The following SMIM5 variants were observed in gnomAD, a reference collection of about 807,000 sequenced individuals.
SMIM5 encodes the protein chromosome 17 open reading frame 109.
Under a neutral mutation model 4.0 loss-of-function variants are expected in SMIM5, and 4 were observed. The ratio of observed to expected loss-of-function variants is 1.01; its 90% CI spans 0.50 to 2.30. The LOEUF (loss-of-function observed/expected upper bound fraction) is 2.30. SMIM5 is among the 30% of genes most tolerant of loss of function. SMIM5 has a pLI of 0.02. For missense variants in SMIM5, 107 were observed against 99.2 expected, an observed-to-expected ratio of 1.08 and a Z score of -0.34; for synonymous variants, 46 against 43.6, an observed-to-expected ratio of 1.05 and a Z score of -0.22.
Position 75,641,002 on chromosome 17 carries a change from CT to C in SMIM5, c.*106del. ...CCTTACCCCTCAAGACCAGGCTCCC[CT>C]GGCCCCAGCTCTGGCCCAGCCCAGG... is the stretch of plus-strand genomic sequence containing the variant. On this transcript the variant is annotated 3_prime_UTR_variant, in exon 3 of 3. Coordinates refer to ENST00000375215, the MANE Select transcript of SMIM5 (RefSeq NM_001162995.3). 1 of 1,482,564 alleles carries C rather than the reference CT, an allele frequency of 6.7e-7. No homozygotes were observed. The highest frequency in any genetic ancestry group is 1.7e-4 in the Middle Eastern group (1 of 5,762). 91.8% of individuals were successfully genotyped at this position (1,482,564 alleles called of 1,614,324 possible). A position where few individuals can be genotyped will look rare whatever the true frequency, so the allele number is the denominator to read the frequency against.
At position 75,636,274 on chromosome 17, in the gene SMIM5, C is replaced by T. The variant is rs1219661442; in HGVS notation, c.-37+2072C>T. Among the ~76,000 whole-genome samples, 1 of 152,058 alleles carries T rather than the reference C, an allele frequency of 6.6e-6. No homozygotes were observed. The highest frequency in any genetic ancestry group is 1.5e-5 in the Non-Finnish European group (1 of 67,994). ...GAGGGACTCTGGTTGCCCTGGTTCG[C>T]AGGTGGGCACTACCAAGCGTGGGGT... is the stretch of plus-strand genomic sequence containing the variant. On this transcript the variant is annotated intron_variant, in intron 1 of 2. Coordinates refer to ENST00000375215, the MANE Select transcript of SMIM5 (RefSeq NM_001162995.3). The surrounding 1 kb of genome is among the most constrained non-coding windows in gnomAD (Gnocchi z 5.4).
chr17:75,636,150 T>C lies in SMIM5; in HGVS notation c.-37+1948T>C, dbSNP rs1305459526. 3.3e-5 allele frequency among the ~76,000 whole-genome samples: 5 copies of C among 152,088 alleles called. No homozygotes were observed. The highest frequency in any genetic ancestry group is 6.5e-5 in the Admixed American group (1 of 15,272). On this transcript the variant is annotated intron_variant, in intron 1 of 2. Transcript: ENST00000375215. The surrounding 1 kb of genome is among the most constrained non-coding windows in gnomAD (Gnocchi z 5.4). ...GTGGCAGCTGGGCTACACTCCCTCT[T>C]AAGGCCAGAGGGAGCCACCACTTGC...
At chr17:75,637,185 C>T (rs2059340046) in intron 1 of SMIM5, 1 of 152,276 alleles carries the variant, frequency 6.6e-6, no homozygotes. Flanking sequence ...CCAGGTCTCT[C>T]GCTCACAAGG....
chr17:75,634,261 G>T, intron 1 of SMIM5, 59 bp downstream of exon 1: 1 of 985,320 alleles, frequency 1.0e-6, no homozygotes, highest in Non-Finnish European at 1.2e-6. Context: ...AGGGTCCCCT[G>T]CCCCCAGGGT....
rs186979543 is a variant in SMIM5 at position 75,638,907 on chromosome 17, C to T, written c.-36-1259C>T. On this transcript the variant is annotated intron_variant, in intron 1 of 2. Coordinates refer to ENST00000375215, the MANE Select transcript of SMIM5 (RefSeq NM_001162995.3). ...CTGCCATCTTGCTCCTGAAGGGCTA[C>T]GAGGCAGAAGAGGGGGCAAGGTCTA... The T allele has an allele frequency of 8.8e-4, 134 of 152,394 alleles. 1 individual carries two copies. In the South Asian group the frequency reaches 0.017, roughly 20 times the overall value. The allele number at this position is 152,394 out of a possible 1,614,324, so 9.4% of individuals were successfully genotyped here.
chr17:75,641,190 A>G lies in SMIM5; in HGVS notation c.*293A>G. On this transcript the variant is annotated 3_prime_UTR_variant, in exon 3 of 3. Coordinates refer to ENST00000375215, the MANE Select transcript of SMIM5 (RefSeq NM_001162995.3). ...GCCTACCTGCACTTTTTAACAAAACAAGGAAGTAGGGGTCCCCATACCTTG... is the reference window on the plus strand; with the variant it reads ...GCCTACCTGCACTTTTTAACAAAACGAGGAAGTAGGGGTCCCCATACCTTG... 1 of 366,918 alleles carries G rather than the reference A, an allele frequency of 2.7e-6. No individual in the cohort carries two copies. Among genetic ancestry groups the G allele is most frequent in the East Asian group, 4.9e-5 (1 of 20,332 alleles). 22.7% of individuals were successfully genotyped at this position (366,918 alleles called of 1,614,324 possible). A position where few individuals can be genotyped will look rare whatever the true frequency, so the allele number is the denominator to read the frequency against.
Position 75,641,000 on chromosome 17 carries a change from C to T in SMIM5, c.*103C>T. On this transcript the variant is annotated 3_prime_UTR_variant, in exon 3 of 3. Transcript: ENST00000375215. This position sits in a 1 kb window ranked among gnomAD's most constrained non-coding sequence, Gnocchi z 4.6. ...GCCCTTACCCCTCAAGACCAGGCTC[C>T]CCTGGCCCCAGCTCTGGCCCAGCCC... The T allele has an allele frequency of 1.3e-6, 2 of 1,486,184 alleles. No homozygotes were observed. Among genetic ancestry groups the T allele is most frequent in the Non-Finnish European group, 1.8e-6 (2 of 1,114,568 alleles). The allele number at this position is 1,486,184 out of a possible 1,614,324, so 92.1% of individuals were successfully genotyped here.
In SMIM5 at chr17:75,639,142, G is replaced by A. The variant is rs912984020; in HGVS notation, c.-36-1024G>A. On this transcript the variant is annotated intron_variant, in intron 1 of 2. Transcript: ENST00000375215. ...TCTAAACCAGCTCTGCCAAGGCAGC[G>A]GCACCGGGAGTGACTGGCCTCACTG... 6 of 152,330 alleles carry A rather than the reference G, an allele frequency of 3.9e-5. No individual in the cohort carries two copies. The East Asian group carries it at 9.6e-4, about 24-fold the overall frequency. The allele number at this position is 152,330 out of a possible 1,614,324, so 9.4% of individuals were successfully genotyped here.
rs761781251 is a variant in SMIM5, at chr17:75,636,078, G to A, written c.-37+1876G>A. ...CTGCAGCCAGGGCACACCCTCTGAA[G>A]GCTCCAAGCAGGGCTGGCTGGGCAG... is the stretch of plus-strand genomic sequence containing the variant. On this transcript the variant is annotated intron_variant, in intron 1 of 2. Coordinates refer to ENST00000375215, the MANE Select transcript of SMIM5 (RefSeq NM_001162995.3). The surrounding 1 kb of genome is among the most constrained non-coding windows in gnomAD (Gnocchi z 5.4). 6.6e-6 allele frequency among the ~76,000 whole-genome samples: 1 copy of A among 152,222 alleles called. No homozygotes were observed. The highest frequency in any genetic ancestry group is 1.5e-5 in the Non-Finnish European group (1 of 68,038).
At position 75,640,705 on chromosome 17, in the gene SMIM5, T is replaced by C; in HGVS notation, c.128-86T>C. 1.3e-6 allele frequency: 2 copies of C among 1,509,252 alleles called. No homozygotes were observed. The highest frequency in any genetic ancestry group is 2.5e-5 in the East Asian group (1 of 40,250). 93.5% of individuals were successfully genotyped at this position (1,509,252 alleles called of 1,614,324 possible). Reference sequence around the variant, plus strand: ...CACCAAACCTGTGGGGGAAAGACCCTGGCAGGCAGTGGGTTTCTCTGGGAG... The same window carrying C: ...CACCAAACCTGTGGGGGAAAGACCCCGGCAGGCAGTGGGTTTCTCTGGGAG... On this transcript the variant is annotated intron_variant, in intron 2 of 2. Transcript: ENST00000375215. The surrounding 1 kb of genome is among the most constrained non-coding windows in gnomAD (Gnocchi z 4.6).
rs868848156 is a variant in SMIM5 at position 75,633,555 on chromosome 17, C to G, written c.-684C>G. The G allele has an allele frequency of 1.6e-6, 2 of 1,279,008 alleles. No homozygotes were observed. Among genetic ancestry groups the G allele is most frequent in the African/African-American group, 3.0e-5 (2 of 65,632 alleles). 79.2% of individuals were successfully genotyped at this position (1,279,008 alleles called of 1,614,324 possible). A position where few individuals can be genotyped will look rare whatever the true frequency, so the allele number is the denominator to read the frequency against. ...CCCCAAGACGCCTTCAGATGCTGAGCGGCACAAGGGCCTCCCCAGGGACTG... is the reference window on the plus strand; with the variant it reads ...CCCCAAGACGCCTTCAGATGCTGAGGGGCACAAGGGCCTCCCCAGGGACTG... On this transcript the variant is annotated 5_prime_UTR_variant, in exon 1 of 3. Transcript: ENST00000375215.
At chr17:75,637,773 C>T (rs1488927486) in intron 1 of SMIM5, 1 of 152,332 alleles carries the variant, frequency 6.6e-6, no homozygotes, top group African/African-American at 2.4e-5. Context: ...GGCCCTGGCT[C>T]CTGTACTGAG....
rs765425275 is a variant in SMIM5, at chr17:75,636,325, G to A, written c.-37+2123G>A. On this transcript the variant is annotated intron_variant, in intron 1 of 2. Coordinates refer to ENST00000375215, the MANE Select transcript of SMIM5 (RefSeq NM_001162995.3). This position sits in a 1 kb window ranked among gnomAD's most constrained non-coding sequence, Gnocchi z 5.4. ...TGGGAGGGACTGGTTGCCCTGGTTC[G>A]CAGGTGGGAAGTGTGGTTTTGGAAG... Among the ~76,000 whole-genome samples the A allele has an allele frequency of 1.1e-4, 16 of 152,284 alleles. No individual in the cohort carries two copies. The highest frequency in any genetic ancestry group is 6.8e-3 in the Middle Eastern group (2 of 294).
In SMIM5 at chr17:75,640,418, CG is replaced by C; in HGVS notation, c.127+93del. 6.9e-7 allele frequency: 1 copy of C among 1,443,424 alleles called. No homozygotes were observed. The highest frequency in any genetic ancestry group is 9.1e-7 in the Non-Finnish European group (1 of 1,093,394). The allele number at this position is 1,443,424 out of a possible 1,614,324, so 89.4% of individuals were successfully genotyped here. A position where few individuals can be genotyped will look rare whatever the true frequency, so the allele number is the denominator to read the frequency against. On this transcript the variant is annotated intron_variant, in intron 2 of 2. Coordinates refer to ENST00000375215, the MANE Select transcript of SMIM5 (RefSeq NM_001162995.3). This position sits in a 1 kb window ranked among gnomAD's most constrained non-coding sequence, Gnocchi z 4.6. ...CCAGCCAGAGGGCTGGCAGAGGTGG[CG>C]GGTGTCTGCCGGATCAAGGAGGAAA...
Position 75,633,496 on chromosome 17 carries a change from G to A in SMIM5, c.-743G>A. On this transcript the variant is annotated 5_prime_UTR_variant, in exon 1 of 3. Coordinates refer to ENST00000375215, the MANE Select transcript of SMIM5 (RefSeq NM_001162995.3). The stretch of plus-strand genomic sequence containing the variant: ...ATGAGGCGCCTTGCCGGGCGCGCAG[G>A]CCACTCCCAGGTCACTCAGGATTCC... 5 of 1,288,980 alleles carry A rather than the reference G, an allele frequency of 3.9e-6. No individual in the cohort carries two copies. Among genetic ancestry groups the A allele is most frequent in the South Asian group, 2.5e-5 (2 of 81,008 alleles). The allele number at this position is 1,288,980 out of a possible 1,614,324, so 79.8% of individuals were successfully genotyped here.
rs2059427648 is a variant in SMIM5, at chr17:75,641,056, A to G, written c.*159A>G. The G allele has an allele frequency of 7.6e-7, 1 of 1,318,262 alleles. No homozygotes were observed. 81.7% of individuals were successfully genotyped at this position (1,318,262 alleles called of 1,614,324 possible). A position where few individuals can be genotyped will look rare whatever the true frequency, so the allele number is the denominator to read the frequency against. ...CCTGGACACTGACAACTTGAGCCCTACCAAGGAAACAAGGGCTGGTATAGG... is the reference window on the plus strand; with the variant it reads ...CCTGGACACTGACAACTTGAGCCCTGCCAAGGAAACAAGGGCTGGTATAGG... On this transcript the variant is annotated 3_prime_UTR_variant, in exon 3 of 3. Transcript: ENST00000375215.
In SMIM5 at chr17:75,633,617, A is replaced by G; in HGVS notation, c.-622A>G. On this transcript the variant is annotated 5_prime_UTR_variant, in exon 1 of 3. Coordinates refer to ENST00000375215, the MANE Select transcript of SMIM5 (RefSeq NM_001162995.3). ...TCCTGCTCAGCTTGAGAGGGCCACC[A>G]GCTCCCCACTGTTTACTGTTGTTCC... 8.3e-7 allele frequency: 1 copy of G among 1,206,072 alleles called. No individual in the cohort carries two copies. Among genetic ancestry groups the G allele is most frequent in the Non-Finnish European group, 1.1e-6 (1 of 946,896 alleles). The allele number at this position is 1,206,072 out of a possible 1,614,324, so 74.7% of individuals were successfully genotyped here.
Position 75,640,834 on chromosome 17 carries a change from C to T in SMIM5, c.171C>T (p.Cys57=), listed in dbSNP as rs1309713318. ...LLLLIACSCC[C]THCCCPERRG... ...TGCTGATAGCCTGCAGCTGCTGCTGCACTCACTGCTGCTGCCCTGAGCGGA... is the reference window on the plus strand; with the variant it reads ...TGCTGATAGCCTGCAGCTGCTGCTGTACTCACTGCTGCTGCCCTGAGCGGA... The change falls in exon 3 of 3, where the codon TGC becomes TGT. Residue 57 remains cysteine, a synonymous_variant. Coordinates refer to ENST00000375215, the MANE Select transcript of SMIM5 (RefSeq NM_001162995.3). The surrounding 1 kb of genome is among the most constrained non-coding windows in gnomAD (Gnocchi z 4.6). The T allele has an allele frequency of 3.2e-6, 5 of 1,549,906 alleles. No individual in the cohort carries two copies. The highest frequency in any genetic ancestry group is 3.9e-5 in the Admixed American group (2 of 51,006).
intron 1 of SMIM5, among the ~76,000 whole-genome samples, chr17:75,635,633 G>A (rs567497452): frequency 7.9e-5 from 12 of 152,302 alleles, no homozygotes; most frequent in African/African-American, 1.7e-4. Flanking sequence ...CATCCCCCCC[G>A]GCTGCTCAGG....
Sources: gnomAD v4.1 joint callset for allele counts (sites outside exome capture counted in the v4.1 genomes callset) on GRCh38, gnomAD v4.1.1 for gene constraint, Gnocchi (gnomAD v3.1) non-coding constraint, MANE v1.5 for transcripts, NCBI Gene and HGNC (gene_info 2026-07-23, HGNC 2026-07-21) for gene names.